CSNK1A1: variants seen among roughly 807,000 people sequenced by gnomAD.
The protein encoded by CSNK1A1 is casein kinase I isoform alpha.
Under a neutral mutation model 46.1 loss-of-function variants are expected in CSNK1A1, and 7 were observed. That is an observed-to-expected ratio of 0.15 (90% CI 0.09 to 0.29). CSNK1A1 has a LOEUF of 0.29. Among genes scored for constraint, CSNK1A1 ranks in the 10% least tolerant of loss-of-function variants. CSNK1A1 has a pLI of 1.00. For synonymous variants in CSNK1A1, 137 were observed against 141.5 expected (o/e 0.97, Z 0.23); for missense variants, 96 against 417.1 (o/e 0.23, Z 6.71).
intron 4 of CSNK1A1, among the ~76,000 whole-genome samples, chr5:149,516,361 AT>A (rs1761403961): frequency 6.6e-6 from 1 of 152,004 alleles, no homozygotes; most frequent in African/African-American, 2.4e-5. Flanking sequence ...AAAACAAAAA[AT>A]AAAACCAAAA....
chr5:149,537,154 T>TC (rs1296027091), intron 2 of CSNK1A1, among the ~76,000 whole-genome samples: 36 of 152,108 alleles, frequency 2.4e-4, no homozygotes, highest in Non-Finnish European at 4.9e-4. Flanking sequence ...GGCAGGTGGA[T>TC]CACTTGAGGT....
intron 9 of CSNK1A1, chr5:149,498,629 T>C: frequency 2.0e-6 from 2 of 985,356 alleles, no homozygotes; most frequent in Non-Finnish European, 2.4e-6. Flanking sequence ...AATTCCCCCA[T>C]CAGGATTTGG....
At chr5:149,519,528 A>G (rs1406754125) in intron 4 of CSNK1A1, among the ~76,000 whole-genome samples, 1 of 152,198 alleles carries the variant, frequency 6.6e-6, no homozygotes, top group Admixed American at 6.5e-5. Context: ...AAGACTAATC[A>G]TTACAGAAAA....
chr5:149,522,423 A>G (rs1029683762), intron 3 of CSNK1A1, among the ~76,000 whole-genome samples: 10 of 152,202 alleles, frequency 6.6e-5, no homozygotes, highest in African/African-American at 2.4e-4. Flanking sequence ...TATCTTTTCT[A>G]TAAGACACTT....
At chr5:149,548,679 G>C (rs778890337) in intron 2 of CSNK1A1, among the ~76,000 whole-genome samples, 3 of 152,086 alleles carry the variant, frequency 2.0e-5, no homozygotes, top group Non-Finnish European at 4.4e-5. Flanking sequence ...TGGCCAACGT[G>C]GTGAAACTAA....
intron 4 of CSNK1A1, among the ~76,000 whole-genome samples, chr5:149,516,725 C>T (rs1761416425): frequency 6.6e-6 from 1 of 151,964 alleles, no homozygotes; most frequent in African/African-American, 2.4e-5. Context: ...CTGTCTTCCC[C>T]CCACCCCTTA....
chr5:149,531,701 A>G (rs868693625), intron 2 of CSNK1A1, among the ~76,000 whole-genome samples: 6 of 86,860 alleles, frequency 6.9e-5, no homozygotes, highest in Non-Finnish European at 1.1e-4. Context: ...TACAAAAAAA[A>G]AAAAAACAAA....
At chr5:149,536,260 GTTTTCTTTAGGGTAATTTTTGCACTA>G (rs1426652658) in intron 2 of CSNK1A1, among the ~76,000 whole-genome samples, 1 of 152,006 alleles carries the variant, frequency 6.6e-6, no homozygotes, top group Non-Finnish European at 1.5e-5. Flanking sequence ...GCCTCAAATG[GTTTTCTTTAGGGTAATTTTTGCACTA>G]TAAGTTAGCA....
chr5:149,498,214 T>G, intron 9 of CSNK1A1: 1 of 984,748 alleles, frequency 1.0e-6, no homozygotes, highest in Admixed American at 6.2e-5. Flanking sequence ...TTATTTCTTA[T>G]GCATATATGC....
intron 7 of CSNK1A1, among the ~76,000 whole-genome samples, chr5:149,508,780 G>T (rs775924341): frequency 6.6e-6 from 1 of 152,070 alleles, no homozygotes; most frequent in African/African-American, 2.4e-5. Flanking sequence ...TTTTCTTATA[G>T]ATTAATGAGG....
intron 2 of CSNK1A1, among the ~76,000 whole-genome samples, chr5:149,530,137 C>T (rs933641610): frequency 6.6e-6 from 1 of 151,874 alleles, no homozygotes; most frequent in African/African-American, 2.4e-5. Context: ...AGACTATTAA[C>T]TTAATTAGGG....
At position 149,550,289 on chromosome 5, in the gene CSNK1A1, G is replaced by C; in HGVS notation, c.124-108C>G. 1 of 1,500,280 alleles carries C rather than the reference G, an allele frequency of 6.7e-7. No homozygotes were observed. Among genetic ancestry groups the C allele is most frequent in the Non-Finnish European group, 8.9e-7 (1 of 1,128,062 alleles). 92.9% of individuals were successfully genotyped at this position (1,500,280 alleles called of 1,614,324 possible). ...CTCCAAGTCGCGACTACAAGAAGAA[G>C]TGAAAAGCTGGAAAGAGAAAGCTCT... On this transcript the variant is annotated intron_variant, in intron 1 of 9. Transcript: ENST00000377843. This position sits in a 1 kb window ranked among gnomAD's most constrained non-coding sequence, Gnocchi z 4.3.
intron 2 of CSNK1A1, chr5:149,545,397 T>G: frequency 2.1e-6 from 1 of 484,618 alleles, no homozygotes; most frequent in Non-Finnish European, 3.7e-6. Flanking sequence ...TCCGAAGCCT[T>G]TGTAGGGGCC....
chr5:149,510,002 G>C, intron 6 of CSNK1A1, 49 bp from the exon 7 acceptor site: 1 of 1,299,870 alleles, frequency 7.7e-7, no homozygotes, highest in African/African-American at 1.5e-5. Flanking sequence ...CTACTGAGAA[G>C]AACCATGGTA....
chr5:149,500,381 C>A (rs908079754), intron 9 of CSNK1A1, among the ~76,000 whole-genome samples: 2 of 152,066 alleles, frequency 1.3e-5, no homozygotes, highest in Non-Finnish European at 1.5e-5. Context: ...TTGTGATCCG[C>A]CCGCCTCGGC....
chr5:149,502,096 G>C, intron 9 of CSNK1A1: 2 of 983,316 alleles, frequency 2.0e-6, no homozygotes, highest in Non-Finnish European at 2.4e-6. Flanking sequence ...ACATTAGCTA[G>C]ATAAGCCAGA....
At chr5:149,516,120 G>A (rs1275576573) in intron 4 of CSNK1A1, among the ~76,000 whole-genome samples, 1 of 152,178 alleles carries the variant, frequency 6.6e-6, no homozygotes, top group Non-Finnish European at 1.5e-5. Context: ...AGGAGTTCAA[G>A]ACCAGTCTGG....
intron 2 of CSNK1A1, among the ~76,000 whole-genome samples, chr5:149,526,872 T>C (rs755846218): frequency 6.6e-6 from 1 of 152,206 alleles, no homozygotes; most frequent in Non-Finnish European, 1.5e-5. Context: ...TAGAATCTTA[T>C]GTTGAGAGTA....
chr5:149,545,276 T>G lies in CSNK1A1; in HGVS notation c.230+4799A>C, dbSNP rs78685088. ...TTTCTTTCTTTTTTTTTCCCCTGCC[T>G]CAGGTTTATTTGTACTAATAGCACA... is the stretch of plus-strand genomic sequence containing the variant. On this transcript the variant is annotated intron_variant, in intron 2 of 9. Coordinates refer to ENST00000377843, the MANE Select transcript of CSNK1A1 (RefSeq NM_001892.6). The G allele has an allele frequency of 0.018, 4,429 of 247,218 alleles. 474 individuals are homozygous for G. In the East Asian group the frequency reaches 0.27, roughly 15 times the overall value. The allele number at this position is 247,218 out of a possible 1,614,324, so 15.3% of individuals were successfully genotyped here.
Sources: allele counts gnomAD v4.1 joint callset (sites outside exome capture counted in the v4.1 genomes callset), GRCh38; gene constraint gnomAD v4.1.1; non-coding constraint Gnocchi (gnomAD v3.1); transcripts MANE v1.5; gene names NCBI Gene and HGNC (gene_info 2026-07-23, HGNC 2026-07-21).